The following RORA variants were observed in gnomAD, a reference collection of about 807,000 sequenced individuals.
The protein encoded by RORA is RAR related orphan receptor A, also known as nuclear receptor ROR-alpha.
RORA carries 7 observed loss-of-function variants against 69.5 expected under a neutral mutation model. The observed-to-expected ratio is 0.10, with a 90% CI of 0.06 to 0.19. The LOEUF (loss-of-function observed/expected upper bound fraction) is 0.19, where lower values mean the gene tolerates loss of function less well. RORA is among the 10% of genes least tolerant of loss of function. The pLI is 1.00. For synonymous variants in RORA, 261 were observed against 240.8 expected (o/e 1.08, Z -0.78); for missense variants, 457 against 663.0 (o/e 0.69, Z 3.41).
chr15:60,542,713 CCA>C (rs1567073671), intron 2 of RORA, among the ~76,000 whole-genome samples: 1 of 135,592 alleles, frequency 7.4e-6, no homozygotes, highest in Non-Finnish European at 1.5e-5. Flanking sequence ...GGCACACCTC[CCA>C]CACACGGCAC....
In RORA at chr15:61,061,385, A is replaced by C. The variant is rs1354532626; in HGVS notation, c.166+167668T>G. On this transcript the variant is annotated intron_variant, in intron 1 of 10. Transcript: ENST00000335670. This position sits in a 1 kb window ranked among gnomAD's most constrained non-coding sequence, Gnocchi z 4.4. ...AATAAATAAATAAATAAATAAATAA[A>C]TAAATAAATAAATACAAGGGCATCG... Among the ~76,000 whole-genome samples the C allele has an allele frequency of 6.7e-6, 1 of 149,982 alleles. No homozygotes were observed. Among genetic ancestry groups the C allele is most frequent in the Non-Finnish European group, 1.5e-5 (1 of 67,316 alleles).
At chr15:60,900,544 A>G (rs1891358281) in intron 1 of RORA, among the ~76,000 whole-genome samples, 1 of 152,136 alleles carries the variant, frequency 6.6e-6, no homozygotes, top group Non-Finnish European at 1.5e-5. Flanking sequence ...TGGGGCATAT[A>G]TCTTATTTCC....
At chr15:61,125,477 C>T (rs2079135499) in intron 1 of RORA, among the ~76,000 whole-genome samples, 1 of 152,124 alleles carries the variant, frequency 6.6e-6, no homozygotes, top group Non-Finnish European at 1.5e-5. Flanking sequence ...GCACAAAGAG[C>T]CAACAAATTT....
intron 1 of RORA, among the ~76,000 whole-genome samples, chr15:60,925,928 T>C (rs1892204911): frequency 6.6e-6 from 1 of 152,210 alleles, no homozygotes; most frequent in Non-Finnish European, 1.5e-5. Flanking sequence ...TTGGTGGGAA[T>C]TAAACTCTTA....
At chr15:61,224,164 C>A (rs2080124846) in intron 1 of RORA, among the ~76,000 whole-genome samples, 1 of 152,174 alleles carries the variant, frequency 6.6e-6, no homozygotes, top group African/African-American at 2.4e-5. Context: ...TTCAAAAATA[C>A]TCTCCTTGTT....
intron 1 of RORA, among the ~76,000 whole-genome samples, chr15:60,977,037 G>A (rs1427334809): frequency 2.7e-5 from 4 of 150,634 alleles, no homozygotes; most frequent in Non-Finnish European, 1.5e-5. Flanking sequence ...CTACTGCCAT[G>A]CTGAAAAGCG....
intron 1 of RORA, among the ~76,000 whole-genome samples, chr15:61,094,031 C>A (rs1369537707): frequency 6.6e-6 from 1 of 152,170 alleles, no homozygotes; most frequent in Non-Finnish European, 1.5e-5. Context: ...TGGCCTAGGG[C>A]TTTGTCTCAG....
At chr15:60,881,605 A>G (rs1341961778) in intron 1 of RORA, among the ~76,000 whole-genome samples, 1 of 147,182 alleles carries the variant, frequency 6.8e-6, no homozygotes, top group African/African-American at 2.5e-5. Flanking sequence ...TTTACCACCA[A>G]AAAACAAGAA....
intron 1 of RORA, among the ~76,000 whole-genome samples, chr15:61,089,118 T>G: frequency 6.6e-6 from 1 of 152,150 alleles, no homozygotes; most frequent in East Asian, 1.9e-4. Flanking sequence ...ATACAACACA[T>G]GCAAAGTTTC....
intron 1 of RORA, among the ~76,000 whole-genome samples, chr15:60,993,644 C>CAAAAAAAA (rs3053932): frequency 1.2e-4 from 10 of 83,042 alleles, no homozygotes; most frequent in African/African-American, 1.9e-4. Context: ...CTCTCCATCT[C>CAAAAAAAA]AAAAAAAAAA....
chr15:60,941,102 T>C lies in RORA; in HGVS notation c.167-262416A>G, dbSNP rs536062245. On this transcript the variant is annotated intron_variant, in intron 1 of 10. Transcript: ENST00000335670. ...TTAGACAAAATCAAATGAGCCAACT[T>C]TGTGAACCTAAGCTTGGAGACACCA... Among the ~76,000 whole-genome samples, 64 of 152,316 alleles carry C rather than the reference T, an allele frequency of 4.2e-4. No individual in the cohort carries two copies. In the South Asian group the frequency reaches 0.012, roughly 29 times the overall value.
chr15:60,997,989 C>T (rs10519097), intron 1 of RORA, among the ~76,000 whole-genome samples: 19,443 of 152,188 alleles, frequency 0.13, 1,293 homozygotes, highest in South Asian at 0.2. Context: ...GACACTATCA[C>T]GATGCTCCGG....
At chr15:61,000,061 GT>G (rs887214543) in intron 1 of RORA, among the ~76,000 whole-genome samples, 46 of 147,580 alleles carry the variant, frequency 3.1e-4, no homozygotes, top group African/African-American at 7.9e-4. Flanking sequence ...GAAAAGCAAA[GT>G]TTTTTTTTTT....
At chr15:61,186,842 G>A (rs539275167) in intron 1 of RORA, among the ~76,000 whole-genome samples, 1 of 152,056 alleles carries the variant, frequency 6.6e-6, no homozygotes, top group Non-Finnish European at 1.5e-5. Context: ...CTTGCCCTTC[G>A]GGCTCACTCT....
At chr15:60,995,687 C>G (rs940227) in intron 1 of RORA, among the ~76,000 whole-genome samples, 101,247 of 151,866 alleles carry the variant, frequency 0.67, 34,307 homozygotes, top group East Asian at 0.81. Flanking sequence ...CACAGAGTCT[C>G]GTGATATGCT....
chr15:60,872,348 G>T (rs2140437093), intron 1 of RORA, among the ~76,000 whole-genome samples: 1 of 152,314 alleles, frequency 6.6e-6, no homozygotes, highest in Non-Finnish European at 1.5e-5. Context: ...GTCTGAGCAA[G>T]ACGTTGGGTA....
intron 1 of RORA, among the ~76,000 whole-genome samples, chr15:60,688,650 A>C (rs1161460469): frequency 1.3e-5 from 2 of 152,200 alleles, no homozygotes; most frequent in African/African-American, 4.8e-5. Context: ...GGAGTGCCCT[A>C]TGGTGATGGA....
At chr15:60,671,841 A>C (rs2070478494) in intron 2 of RORA, among the ~76,000 whole-genome samples, 1 of 151,548 alleles carries the variant, frequency 6.6e-6, no homozygotes, top group Non-Finnish European at 1.5e-5. Flanking sequence ...CAAACTCCTG[A>C]CCTCAGGTGA....
intron 1 of RORA, among the ~76,000 whole-genome samples, chr15:60,842,734 A>AC (rs1272645891): frequency 7.1e-6 from 1 of 141,782 alleles, no homozygotes; most frequent in Non-Finnish European, 1.5e-5. Context: ...TGTCATGGTC[A>AC]CCCCCTCCCA....
Sources: gnomAD v4.1 joint callset for allele counts (sites outside exome capture counted in the v4.1 genomes callset) on GRCh38, gnomAD v4.1.1 for gene constraint, Gnocchi (gnomAD v3.1) non-coding constraint, MANE v1.5 for transcripts, NCBI Gene and HGNC (gene_info 2026-07-23, HGNC 2026-07-21) for gene names.